The following PTPRJ variants were observed in gnomAD, a reference collection of about 807,000 sequenced individuals.
PTPRJ encodes receptor-type tyrosine-protein phosphatase eta.
Under a neutral mutation model 141.3 loss-of-function variants are expected in PTPRJ, and 129 were observed. The ratio of observed to expected loss-of-function variants is 0.91; its 90% CI spans 0.79 to 1.06. PTPRJ has a LOEUF of 1.06. Ranked by LOEUF, PTPRJ falls within the 50% of genes least tolerant of loss-of-function variation. The probability of loss-of-function intolerance (pLI) is 0.00; values close to 1 mark genes in which losing one functional copy is unlikely to be tolerated. For synonymous variants in PTPRJ, 610 were observed against 640.5 expected (o/e 0.95, Z 0.72); for missense variants, 1,601 against 1,679.7 (o/e 0.95, Z 0.82).
chr11:48,136,985 CT>C lies in PTPRJ; in HGVS notation c.1874-10del. 35 of 1,564,836 alleles carry C rather than the reference CT, an allele frequency of 2.2e-5. No individual in the cohort carries two copies. The highest frequency in any genetic ancestry group is 3.4e-5 in the South Asian group (3 of 88,614). Reference sequence around the variant, plus strand: ...TAATCTGTGCTTTTACATGAATTGCCTTTTTTTTAAAATCAAGGGCCCAGCA... The same window carrying C: ...TAATCTGTGCTTTTACATGAATTGCCTTTTTTTAAAATCAAGGGCCCAGCA... On this transcript the variant is annotated splice_polypyrimidine_tract_variant and intron_variant, in intron 9 of 24. Transcript: ENST00000418331.
intron 2 of PTPRJ, among the ~76,000 whole-genome samples, chr11:48,111,894 C>A (rs1279704103): frequency 6.6e-6 from 1 of 151,838 alleles, no homozygotes; most frequent in Non-Finnish European, 1.5e-5. Context: ...TAGGCCTGGC[C>A]CTGAGAAATT....
chr11:48,110,502 A>G (rs773751628), intron 2 of PTPRJ, among the ~76,000 whole-genome samples: 11 of 152,200 alleles, frequency 7.2e-5, no homozygotes, highest in Non-Finnish European at 1.2e-4. Flanking sequence ...CCCGGCCCCA[A>G]TTTTTCTTTA....
chr11:48,131,082 T>A (rs1195704351), intron 8 of PTPRJ, among the ~76,000 whole-genome samples: 59 of 128,228 alleles, frequency 4.6e-4, no homozygotes, highest in African/African-American at 1.7e-3. Context: ...TTTTTTTTTT[T>A]TTTTTTTTTT....
intron 1 of PTPRJ, among the ~76,000 whole-genome samples, chr11:48,080,867 A>G (rs1855539383): frequency 6.6e-6 from 1 of 152,206 alleles, no homozygotes; most frequent in Admixed American, 6.5e-5. Context: ...AGCATGTGCC[A>G]TTTATTTTTG....
intron 1 of PTPRJ, among the ~76,000 whole-genome samples, chr11:47,982,100 G>A (rs965715753): frequency 3.3e-5 from 5 of 152,246 alleles, no homozygotes; most frequent in African/African-American, 9.6e-5. Context: ...CCCTGGGGCA[G>A]CAATGCCGCC....
rs116226627 is a variant in PTPRJ at position 48,037,972 on chromosome 11, C to T, written c.96+56964C>T. Among the ~76,000 whole-genome samples, 682 of 151,898 alleles carry T rather than the reference C, an allele frequency of 4.5e-3. 10 individuals are homozygous for T. The highest frequency in any genetic ancestry group is 0.016 in the African/African-American group (667 of 41,426). ...TTGCTGTGCCTTTCTCTTTCCTCCACGTTGCTAAATTCCGTCCATTTTTCA... is the reference window on the plus strand; with the variant it reads ...TTGCTGTGCCTTTCTCTTTCCTCCATGTTGCTAAATTCCGTCCATTTTTCA... On this transcript the variant is annotated intron_variant, in intron 1 of 24. Transcript: ENST00000418331.
rs191001903 is a variant in PTPRJ, at chr11:48,121,958, G to A, written c.616+692G>A. On this transcript the variant is annotated intron_variant, in intron 4 of 24. Transcript: ENST00000418331. ...TCAGGGGCTGGAGTCGGCCATGGGC[G>A]CCTGAGCTCTTGGAGCCCACGGCTG... is the stretch of plus-strand genomic sequence containing the variant. Among the ~76,000 whole-genome samples, 66 of 152,224 alleles carry A rather than the reference G, an allele frequency of 4.3e-4. 1 individual carries two copies. The highest frequency in any genetic ancestry group is 4.3e-3 in the East Asian group (22 of 5,160).
At chr11:48,092,997 C>G (rs1026183931) in intron 1 of PTPRJ, among the ~76,000 whole-genome samples, 7 of 152,214 alleles carry the variant, frequency 4.6e-5, no homozygotes, top group Non-Finnish European at 1.0e-4. Flanking sequence ...TCTGCATTCA[C>G]TGAGATGACT....
chr11:48,149,610 A>G, intron 16 of PTPRJ, 122 bp downstream of exon 16: 1 of 694,582 alleles, frequency 1.4e-6, no homozygotes, highest in East Asian at 2.9e-5. Flanking sequence ...GACCATGACC[A>G]TCTGGAAGTT....
At chr11:48,161,997 G>A (rs1857795050) in intron 22 of PTPRJ, among the ~76,000 whole-genome samples, 1 of 151,972 alleles carries the variant, frequency 6.6e-6, no homozygotes, top group Admixed American at 6.6e-5. Context: ...CTTACCTTGT[G>A]GAGGGGAATT....
chr11:48,111,363 A>C (rs1856436246), intron 2 of PTPRJ, among the ~76,000 whole-genome samples: 1 of 151,752 alleles, frequency 6.6e-6, no homozygotes, highest in South Asian at 2.1e-4. Flanking sequence ...AAAAAAAAAA[A>C]AAACCATGGT....
At chr11:48,023,354 C>T (rs1235203723) in intron 1 of PTPRJ, among the ~76,000 whole-genome samples, 2 of 152,270 alleles carry the variant, frequency 1.3e-5, no homozygotes, top group South Asian at 2.1e-4. Flanking sequence ...CTGACATGCA[C>T]GCCCCTTCAT....
intron 1 of PTPRJ, among the ~76,000 whole-genome samples, chr11:48,000,982 ATTTTTTTTTT>A (rs1002159076): frequency 2.9e-4 from 36 of 122,868 alleles, no homozygotes; most frequent in Non-Finnish European, 5.2e-4. Context: ...GTCCCATATA[ATTTTTTTTTT>A]TTTTTTTTTT....
At chr11:47,992,255 C>T (rs1182644900) in intron 1 of PTPRJ, among the ~76,000 whole-genome samples, 2 of 152,028 alleles carry the variant, frequency 1.3e-5, no homozygotes, top group Non-Finnish European at 2.9e-5. Context: ...CTCACTGTAA[C>T]CTCCGCCTTC....
intron 8 of PTPRJ, among the ~76,000 whole-genome samples, chr11:48,133,268 C>G (rs979092389): frequency 2.0e-5 from 3 of 152,180 alleles, no homozygotes; most frequent in Non-Finnish European, 4.4e-5. Flanking sequence ...TAGATTGACA[C>G]TTTGATGTGG....
At chr11:48,161,310 A>C (rs1857771131) in intron 22 of PTPRJ, among the ~76,000 whole-genome samples, 1 of 152,158 alleles carries the variant, frequency 6.6e-6, no homozygotes, top group Non-Finnish European at 1.5e-5. Flanking sequence ...ATAGTGCATA[A>C]AAGGAAAGCC....
intron 1 of PTPRJ, among the ~76,000 whole-genome samples, chr11:48,056,049 C>T (rs1301408127): frequency 6.6e-6 from 1 of 152,014 alleles, no homozygotes; most frequent in Non-Finnish European, 1.5e-5. Flanking sequence ...GGTTGTGGTG[C>T]GTGTAGGATG....
At chr11:48,037,059 T>C (rs1398705653) in intron 1 of PTPRJ, among the ~76,000 whole-genome samples, 1 of 152,206 alleles carries the variant, frequency 6.6e-6, no homozygotes, top group East Asian at 1.9e-4. Flanking sequence ...ATCACATTGT[T>C]GAAGAAAATT....
In PTPRJ at chr11:48,128,163, T is replaced by C. The variant is rs568297289; in HGVS notation, c.1357+120T>C. On this transcript the variant is annotated intron_variant, in intron 7 of 24. Transcript: ENST00000418331. ...GGCTGACCACACGCCAAGCTTCGTG[T>C]GACATGCTTTCCTTGCACTGGCACA... 5.4e-5 allele frequency: 70 copies of C among 1,289,904 alleles called. No homozygotes were observed. The African/African-American group carries it at 9.7e-4, about 18-fold the overall frequency. 79.9% of individuals were successfully genotyped at this position (1,289,904 alleles called of 1,614,324 possible).
Sources: allele counts gnomAD v4.1 joint callset (sites outside exome capture counted in the v4.1 genomes callset), GRCh38; gene constraint gnomAD v4.1.1; transcripts MANE v1.5; gene names NCBI Gene and HGNC (gene_info 2026-07-23, HGNC 2026-07-21).